Variants in MARCHF1 observed in about 807,000 individuals in gnomAD.
The protein encoded by MARCHF1 is membrane associated ring-CH-type finger 1.
A neutral mutation model predicts 54.2 loss-of-function variants in MARCHF1; 40 were observed. The observed-to-expected ratio is 0.74, with a 90% confidence interval of 0.57 to 0.96. The LOEUF (loss-of-function observed/expected upper bound fraction) is 0.96. MARCHF1 is among the 40% of genes least tolerant of loss of function. The probability of loss-of-function intolerance (pLI) is 0.00; values close to 1 mark genes in which losing one functional copy is unlikely to be tolerated. For synonymous variants in MARCHF1, 236 were observed against 236.3 expected (o/e 1.00, Z 0.01); for missense variants, 586 against 656.5 (o/e 0.89, Z 1.17).
intron 1 of MARCHF1, among the ~76,000 whole-genome samples, chr4:164,374,229 A>T (rs1561024178): frequency 1.3e-5 from 2 of 151,150 alleles, no homozygotes; most frequent in Non-Finnish European, 2.9e-5. Context: ...AAAACTAATT[A>T]GATTTAACAG....
At chr4:163,687,289 G>A (rs1280843457) in intron 5 of MARCHF1, among the ~76,000 whole-genome samples, 7 of 150,904 alleles carry the variant, frequency 4.6e-5, no homozygotes, top group Non-Finnish European at 8.9e-5. Context: ...GTGCAGTGGC[G>A]CTATCTCGGC....
At chr4:164,056,184 G>A (rs1227356282) in intron 2 of MARCHF1, among the ~76,000 whole-genome samples, 6 of 152,084 alleles carry the variant, frequency 3.9e-5, no homozygotes, top group Non-Finnish European at 8.8e-5. Context: ...CCCATAACCA[G>A]CACCTACATC....
intron 5 of MARCHF1, among the ~76,000 whole-genome samples, chr4:163,659,393 A>C (rs2111094754): frequency 6.6e-6 from 1 of 152,230 alleles, no homozygotes; most frequent in South Asian, 2.1e-4. Context: ...ACCTTATACA[A>C]AAATTAATTC....
chr4:163,720,385 A>G (rs540579637), intron 4 of MARCHF1, among the ~76,000 whole-genome samples: 2 of 152,258 alleles, frequency 1.3e-5, no homozygotes, highest in African/African-American at 4.8e-5. Context: ...CCATTGGTCT[A>G]TATCTCTGTT....
chr4:163,806,666 G>A (rs1045276728), intron 4 of MARCHF1, among the ~76,000 whole-genome samples: 4 of 152,094 alleles, frequency 2.6e-5, no homozygotes, highest in African/African-American at 7.2e-5. Context: ...CACTTCCCAA[G>A]CTCAAGGAGA....
Position 163,653,933 on chromosome 4 carries a change from C to T in MARCHF1, c.163-40540G>A, listed in dbSNP as rs113959646. Among the ~76,000 whole-genome samples, 1,515 of 151,516 alleles carry T rather than the reference C, an allele frequency of 1.0e-2. 19 individuals are homozygous for T. The highest frequency in any genetic ancestry group is 0.014 in the Non-Finnish European group (934 of 67,698). On this transcript the variant is annotated intron_variant, in intron 5 of 9. Transcript: ENST00000514618. ...TTAAACCATGGAATTGATATGATAA[C>T]CTAGGAATTGAGTATAGATAGGAAA...
chr4:164,295,968 TAC>T (rs1255794815), intron 1 of MARCHF1, among the ~76,000 whole-genome samples: 1 of 151,986 alleles, frequency 6.6e-6, no homozygotes, highest in African/African-American at 2.4e-5. Flanking sequence ...ACAACAATAA[TAC>T]ACACACACGC....
intron 1 of MARCHF1, among the ~76,000 whole-genome samples, chr4:164,370,473 T>C (rs1274568717): frequency 2.6e-5 from 4 of 152,168 alleles, no homozygotes; most frequent in Non-Finnish European, 5.9e-5. Flanking sequence ...CTCTCACCAG[T>C]CTCCTGGTAG....
intron 4 of MARCHF1, among the ~76,000 whole-genome samples, chr4:163,771,763 G>A (rs573914053): frequency 2.0e-5 from 3 of 152,156 alleles, no homozygotes; most frequent in Non-Finnish European, 4.4e-5. Flanking sequence ...TGATCTCAAG[G>A]GTGGAGGTGG....
intron 5 of MARCHF1, among the ~76,000 whole-genome samples, chr4:163,662,185 TTTTC>T (rs372856921): frequency 5.2e-4 from 79 of 152,156 alleles, no homozygotes; most frequent in African/African-American, 1.8e-3. Flanking sequence ...TTTTTGGATA[TTTTC>T]TTTAATTATT....
intron 8 of MARCHF1, among the ~76,000 whole-genome samples, chr4:163,559,252 C>CTCCA (rs145033982): frequency 1.5e-4 from 23 of 152,166 alleles, no homozygotes; most frequent in African/African-American, 5.5e-4. Context: ...AATGTATGTC[C>CTCCA]TCTTTTAGTC....
intron 4 of MARCHF1, among the ~76,000 whole-genome samples, chr4:163,753,483 T>C (rs576852569): frequency 4.6e-5 from 7 of 152,270 alleles, no homozygotes; most frequent in South Asian, 2.1e-4. Flanking sequence ...TCCATTGTCA[T>C]GGAAAGTTGT....
intron 2 of MARCHF1, among the ~76,000 whole-genome samples, chr4:163,998,254 A>G (rs1360684016): frequency 6.6e-6 from 1 of 151,448 alleles, no homozygotes; most frequent in Non-Finnish European, 1.5e-5. Flanking sequence ...CTAAAGTCTC[A>G]TACATTAGAG....
At chr4:164,053,767 T>C (rs562330218) in intron 2 of MARCHF1, among the ~76,000 whole-genome samples, 7 of 152,328 alleles carry the variant, frequency 4.6e-5, no homozygotes, top group African/African-American at 1.4e-4. Flanking sequence ...ACAAACTATA[T>C]CCAGAGTTGG....
intron 1 of MARCHF1, among the ~76,000 whole-genome samples, chr4:164,160,234 A>C (rs1056180057): frequency 6.6e-6 from 1 of 152,104 alleles, no homozygotes; most frequent in Admixed American, 6.6e-5. Context: ...CATCTTGTGA[A>C]TATTAGACTG....
intron 5 of MARCHF1, among the ~76,000 whole-genome samples, chr4:163,634,797 T>C (rs1316212782): frequency 3.5e-5 from 5 of 141,914 alleles, no homozygotes; most frequent in African/African-American, 1.4e-4. Context: ...AATATACATT[T>C]TTTTCAGCAC....
At chr4:163,531,408 A>C (rs1738344747) in intron 9 of MARCHF1, among the ~76,000 whole-genome samples, 1 of 151,842 alleles carries the variant, frequency 6.6e-6, no homozygotes. Flanking sequence ...CATTTGACAA[A>C]ATACGACGCT....
chr4:164,304,410 TG>T (rs1259997787), intron 1 of MARCHF1, among the ~76,000 whole-genome samples: 1 of 152,196 alleles, frequency 6.6e-6, no homozygotes, highest in Non-Finnish European at 1.5e-5. Context: ...TGAGAAGTCA[TG>T]TACAGCCCCT....
chr4:164,188,804 G>C, intron 1 of MARCHF1: 1 of 845,238 alleles, frequency 1.2e-6, no homozygotes, highest in East Asian at 2.4e-5. Context: ...ATTTGCTCCT[G>C]AAGAAATTTC....
Sources: allele counts gnomAD v4.1 joint callset (sites outside exome capture counted in the v4.1 genomes callset), GRCh38; gene constraint gnomAD v4.1.1; transcripts MANE v1.5; gene names NCBI Gene and HGNC (gene_info 2026-07-23, HGNC 2026-07-21).